CAPN1: variants seen among roughly 807,000 people sequenced by gnomAD.
CAPN1 encodes the protein calpain-1 catalytic subunit.
A neutral mutation model predicts 105.2 loss-of-function variants in CAPN1; 77 were observed. The observed-to-expected ratio is 0.73, with a 90% CI of 0.61 to 0.88. CAPN1 has a LOEUF of 0.88. Ranked by LOEUF, CAPN1 falls within the 40% of genes least tolerant of loss-of-function variation. CAPN1 has a pLI of 0.00. For missense variants in CAPN1, 833 were observed against 976.6 expected (o/e 0.85, Z 1.96); for synonymous variants, 355 against 388.8 (o/e 0.91, Z 1.02).
chr11:65,208,224 A>C lies in CAPN1; in HGVS notation c.1691A>C (p.Lys564Thr), dbSNP rs1220647630. Reference protein sequence around the residue: ...LAGEDMEISVKELRTILNRII... With the variant: ...LAGEDMEISVTELRTILNRII... ...CCCCAGGACATGGAGATCAGCGTGA[A>C]GGAGTTGCGGACAATCCTCAATAGG... is the stretch of plus-strand genomic sequence containing the variant. Residue 564 changes from lysine to threonine, a missense_variant, in exon 16 of 22, where the codon AAG becomes ACG. By Grantham distance (78) the Lys-to-Thr change is moderately conservative. Coordinates refer to ENST00000279247, the MANE Select transcript of CAPN1 (RefSeq NM_005186.4). The surrounding 1 kb of genome is among the most constrained non-coding windows in gnomAD (Gnocchi z 4.1). 6.3e-7 allele frequency: 1 copy of C among 1,577,522 alleles called. No homozygotes were observed. The highest frequency in any genetic ancestry group is 1.8e-5 in the Admixed American group (1 of 54,206).
intron 21 of CAPN1, 147 bp downstream of exon 21, chr11:65,211,019 T>C: frequency 1.2e-6 from 1 of 811,944 alleles, no homozygotes; most frequent in East Asian, 2.6e-5. Flanking sequence ...CCTGAAAGGC[T>C]GGGGTGGGGG....
At chr11:65,203,171 TA>T (rs1948896523) in intron 10 of CAPN1, among the ~76,000 whole-genome samples, 1 of 150,244 alleles carries the variant, frequency 6.7e-6, no homozygotes, top group Non-Finnish European at 1.5e-5. Context: ...TCAGCTGTTA[TA>T]AATAATGCAG....
At chr11:65,198,258 A>C (rs778683504) in intron 10 of CAPN1, among the ~76,000 whole-genome samples, 1 of 151,626 alleles carries the variant, frequency 6.6e-6, no homozygotes, top group Non-Finnish European at 1.5e-5. Flanking sequence ...CTCCCACCTG[A>C]GCTTCCCGAG....
chr11:65,201,808 GC>G (rs1948874492), intron 10 of CAPN1, among the ~76,000 whole-genome samples: 1 of 148,306 alleles, frequency 6.7e-6, no homozygotes, highest in African/African-American at 2.5e-5. Flanking sequence ...GTGAGCCACC[GC>G]GCCCGGCTTT....
chr11:65,199,396 C>T (rs923029072), intron 10 of CAPN1, among the ~76,000 whole-genome samples: 1 of 152,066 alleles, frequency 6.6e-6, no homozygotes, highest in Admixed American at 6.6e-5. Context: ...ATACGATTCA[C>T]CATGATGTGT....
chr11:65,206,415 TG>T lies in CAPN1; in HGVS notation c.1354-45del. On this transcript the variant is annotated intron_variant, in intron 12 of 21. Coordinates refer to ENST00000279247, the MANE Select transcript of CAPN1 (RefSeq NM_005186.4). ...TGGGTCTGGGGGTGGCCCCTGAGGG[TG>T]GGCTGAGTGGGCAGCTGCAGCCCTG... 5 of 1,488,692 alleles carry T rather than the reference TG, an allele frequency of 3.4e-6. No individual in the cohort carries two copies. The Admixed American group carries it at 6.7e-5, about 20-fold the overall frequency. The allele number at this position is 1,488,692 out of a possible 1,614,324, so 92.2% of individuals were successfully genotyped here.
chr11:65,191,383 C>T (rs1948716739), intron 10 of CAPN1, among the ~76,000 whole-genome samples: 2 of 152,032 alleles, frequency 1.3e-5, no homozygotes, highest in South Asian at 4.1e-4. Flanking sequence ...TTTTTATATC[C>T]AGCAAATTTT....
At chr11:65,206,072 C>T (rs1411507545) in intron 12 of CAPN1, 5 of 510,866 alleles carry the variant, frequency 9.8e-6, no homozygotes, top group Non-Finnish European at 1.8e-5. Context: ...GTTCTGTACC[C>T]TTGAGCAGTT....
rs368265193 is a variant in CAPN1 at position 65,188,649 on chromosome 11, C to A, written c.1068C>A (p.Asp356Glu). 1.2e-6 allele frequency: 2 copies of A among 1,613,944 alleles called. No individual in the cohort carries two copies. Among genetic ancestry groups the A allele is most frequent in the Non-Finnish European group, 8.5e-7 (1 of 1,179,850 alleles). ...TGGAGATCTGCAACCTCACACCCGA[C>A]GCCCTCAAGAGCCGGACCATCCGCA... ...TRLEICNLTPDALKSRTIRKW... is the reference protein window; with the variant it reads ...TRLEICNLTPEALKSRTIRKW... The change falls in exon 10 of 22, where the codon GAC becomes GAA. Residue 356 changes from aspartate to glutamate, a missense_variant. Asp to Glu is a conservative substitution (Grantham distance 45). Coordinates refer to ENST00000279247, the MANE Select transcript of CAPN1 (RefSeq NM_005186.4). This position sits in a 1 kb window ranked among gnomAD's most constrained non-coding sequence, Gnocchi z 5.5.
chr11:65,192,990 T>TC (rs1402265004), intron 10 of CAPN1, among the ~76,000 whole-genome samples: 1 of 151,692 alleles, frequency 6.6e-6, no homozygotes, highest in Non-Finnish European at 1.5e-5. Context: ...TACTCTTTTT[T>TC]TTTTTTTTGA....
In CAPN1 at chr11:65,206,807, T is replaced by G. The variant is rs950677148; in HGVS notation, c.1593T>G (p.Asn531Lys). ...TVELDDQIQANLPDEQVLSEE... is the reference protein window; with the variant it reads ...TVELDDQIQAKLPDEQVLSEE... ...AGCTGGATGACCAGATCCAGGCCAATCTCCCCGATGAGGTGCGTGGTCCCA... is the reference window on the plus strand; with the variant it reads ...AGCTGGATGACCAGATCCAGGCCAAGCTCCCCGATGAGGTGCGTGGTCCCA... Residue 531 changes from asparagine to lysine, a missense_variant, in exon 14 of 22, where the codon AAT (asparagine) becomes AAG (lysine). Coordinates refer to ENST00000279247, the MANE Select transcript of CAPN1 (RefSeq NM_005186.4). 25 of 1,612,360 alleles carry G rather than the reference T, an allele frequency of 1.6e-5. No homozygotes were observed. Among genetic ancestry groups the G allele is most frequent in the Middle Eastern group, 3.3e-4 (2 of 6,080 alleles).
chr11:65,195,769 C>A (rs1948785636), intron 10 of CAPN1, among the ~76,000 whole-genome samples: 1 of 152,034 alleles, frequency 6.6e-6, no homozygotes, highest in Non-Finnish European at 1.5e-5. Context: ...GGAAGTGTCC[C>A]CTCATCTTCA....
chr11:65,198,164 A>G (rs1948818462), intron 10 of CAPN1, among the ~76,000 whole-genome samples: 1 of 150,726 alleles, frequency 6.6e-6, no homozygotes. Context: ...TCTCTGAGAC[A>G]GGGTCTGGCT....
chr11:65,211,292 G>A lies in CAPN1; in HGVS notation c.*6G>A. 2 of 1,612,310 alleles carry A rather than the reference G, an allele frequency of 1.2e-6. No homozygotes were observed. The highest frequency in any genetic ancestry group is 2.2e-5 in the East Asian group (1 of 44,872). ...AGCTGACCATGTTTGCATGAGGCAG[G>A]GACTCGGTCCCCCTTGCCGTGCTCC... is the stretch of plus-strand genomic sequence containing the variant. On this transcript the variant is annotated 3_prime_UTR_variant, in exon 22 of 22. Coordinates refer to ENST00000279247, the MANE Select transcript of CAPN1 (RefSeq NM_005186.4).
Position 65,209,703 on chromosome 11 carries a change from G to C in CAPN1, c.1795-146G>C, listed in dbSNP as rs1949015132. The C allele has an allele frequency of 2.5e-6, 2 of 786,750 alleles. No homozygotes were observed. The highest frequency in any genetic ancestry group is 4.2e-6 in the Non-Finnish European group (2 of 475,714). The allele number at this position is 786,750 out of a possible 1,614,324, so 48.7% of individuals were successfully genotyped here. On this transcript the variant is annotated intron_variant, in intron 17 of 21. Coordinates refer to ENST00000279247, the MANE Select transcript of CAPN1 (RefSeq NM_005186.4). The surrounding 1 kb of genome is among the most constrained non-coding windows in gnomAD (Gnocchi z 4.1). Reference sequence around the variant, plus strand: ...AGAGAATAAGGCAAGCCCGGCTGTGGGCTGACTGTACATGGCTTTTGCTGC... The same window carrying C: ...AGAGAATAAGGCAAGCCCGGCTGTGCGCTGACTGTACATGGCTTTTGCTGC...
chr11:65,211,086 TG>T (rs1590869068), intron 21 of CAPN1, 173 bp from the exon 22 acceptor site: 1 of 781,590 alleles, frequency 1.3e-6, no homozygotes, highest in African/African-American at 1.7e-5. Context: ...GAGGCCCCTA[TG>T]GGAGCAGCAC....
chr11:65,209,048 G>A lies in CAPN1; in HGVS notation c.1730-275G>A, dbSNP rs147542302. On this transcript the variant is annotated intron_variant, in intron 16 of 21. Coordinates refer to ENST00000279247, the MANE Select transcript of CAPN1 (RefSeq NM_005186.4). This position sits in a 1 kb window ranked among gnomAD's most constrained non-coding sequence, Gnocchi z 4.1. ...CCTAGCCTACAGCAAGCCCTGCCCTGCCCCATCTTTCTACCCAATTTCTCG... is the reference window on the plus strand; with the variant it reads ...CCTAGCCTACAGCAAGCCCTGCCCTACCCCATCTTTCTACCCAATTTCTCG... 2.1e-5 allele frequency: 11 copies of A among 523,174 alleles called. No individual in the cohort carries two copies. The East Asian group carries it at 3.7e-4, about 18-fold the overall frequency. The allele number at this position is 523,174 out of a possible 1,614,324, so 32.4% of individuals were successfully genotyped here.
chr11:65,204,989 T>C, intron 11 of CAPN1, 131 bp downstream of exon 11: 2 of 711,672 alleles, frequency 2.8e-6, no homozygotes, highest in Non-Finnish European at 4.6e-6. Context: ...TCCCCTCCAC[T>C]CCCCCCACCA....
intron 10 of CAPN1, among the ~76,000 whole-genome samples, chr11:65,190,703 G>GTC (rs1555007549): frequency 6.7e-6 from 1 of 149,042 alleles, no homozygotes; most frequent in African/African-American, 2.5e-5. Context: ...TTTGTTGTTG[G>GTC]TTTTTTTTGT....
Sources: gnomAD v4.1 joint callset for allele counts (sites outside exome capture counted in the v4.1 genomes callset) on GRCh38, gnomAD v4.1.1 for gene constraint, Gnocchi (gnomAD v3.1) non-coding constraint, MANE v1.5 for transcripts, NCBI Gene and HGNC (gene_info 2026-07-23, HGNC 2026-07-21) for gene names.